UBR3: variants seen among roughly 807,000 people sequenced by gnomAD.
UBR3 encodes ubiquitin protein ligase E3 component n-recognin 3, also known as E3 ubiquitin-protein ligase UBR3.
A neutral mutation model predicts 243.2 loss-of-function variants in UBR3; 85 were observed. The ratio of observed to expected loss-of-function variants is 0.35; its 90% confidence interval spans 0.29 to 0.42. The LOEUF (loss-of-function observed/expected upper bound fraction) is 0.42, where lower values mean the gene tolerates loss of function less well. Among genes scored for constraint, UBR3 ranks in the 10% least tolerant of loss-of-function variants. UBR3 has a pLI of 1.00. For missense variants in UBR3, 1,686 were observed against 2,300.8 expected, an observed-to-expected ratio of 0.73 and a Z score of 5.47; for synonymous variants, 748 against 799.8, an observed-to-expected ratio of 0.94 and a Z score of 1.09.
intron 4 of UBR3, 59 bp downstream of exon 4, chr2:169,877,696 C>A: frequency 6.9e-7 from 1 of 1,458,096 alleles, no homozygotes; most frequent in South Asian, 1.4e-5. Flanking sequence ...ACCAAAAAAA[C>A]CTCTCAAACT....
chr2:169,900,661 A>G (rs925171759), intron 8 of UBR3, among the ~76,000 whole-genome samples: 29 of 152,120 alleles, frequency 1.9e-4, no homozygotes, highest in African/African-American at 7.0e-4. Context: ...TCACTAGGTG[A>G]TTTAGCTGTG....
chr2:170,070,880 AG>A (rs1461658386), intron 35 of UBR3, among the ~76,000 whole-genome samples: 2 of 152,180 alleles, frequency 1.3e-5, no homozygotes, highest in African/African-American at 2.4e-5. Flanking sequence ...GTGTGAAAGA[AG>A]ACTTGTATCC....
chr2:169,923,703 G>C (rs765235250), intron 11 of UBR3, among the ~76,000 whole-genome samples: 5 of 152,266 alleles, frequency 3.3e-5, no homozygotes, highest in Non-Finnish European at 7.4e-5. Context: ...AGGATTCAAA[G>C]TTGAGTAGAA....
At chr2:169,936,984 A>G (rs2086363208) in intron 19 of UBR3, among the ~76,000 whole-genome samples, 1 of 152,190 alleles carries the variant, frequency 6.6e-6, no homozygotes, top group Non-Finnish European at 1.5e-5. Flanking sequence ...ATAAACATAC[A>G]TGTGCATGTG....
At chr2:169,833,116 T>C (rs1287106716) in intron 1 of UBR3, among the ~76,000 whole-genome samples, 4 of 152,176 alleles carry the variant, frequency 2.6e-5, no homozygotes, top group Non-Finnish European at 4.4e-5. Context: ...CTGCCCTTCA[T>C]GTATGTGAGT....
intron 1 of UBR3, among the ~76,000 whole-genome samples, chr2:169,839,912 C>T (rs192321953): frequency 6.6e-6 from 1 of 152,308 alleles, no homozygotes; most frequent in Non-Finnish European, 1.5e-5. Context: ...AGGTGGCTTG[C>T]TGGTCAAGAC....
chr2:169,856,158 T>G, intron 1 of UBR3, among the ~76,000 whole-genome samples: 2 of 137,980 alleles, frequency 1.4e-5, no homozygotes, highest in African/African-American at 5.6e-5. Flanking sequence ...CCAGACGGGG[T>G]GGCGGCGGGG....
intron 30 of UBR3, 66 bp from the exon 31 acceptor site, chr2:170,029,280 T>G (rs1405129558): frequency 2.3e-6 from 3 of 1,290,990 alleles, no homozygotes; most frequent in Non-Finnish European, 3.2e-6. Context: ...ACTAGAAATT[T>G]TGTCTGAATT....
intron 5 of UBR3, among the ~76,000 whole-genome samples, chr2:169,888,556 G>T (rs1450339718): frequency 1.3e-5 from 2 of 151,984 alleles, no homozygotes; most frequent in Admixed American, 1.3e-4. Flanking sequence ...TGACAGTTTT[G>T]AACATCTATA....
chr2:169,882,754 A>T (rs1221992695), intron 5 of UBR3, among the ~76,000 whole-genome samples: 1 of 152,032 alleles, frequency 6.6e-6, no homozygotes. Context: ...AAGAAAAAAA[A>T]AAAGAAAAGT....
intron 23 of UBR3, among the ~76,000 whole-genome samples, chr2:169,952,482 G>T (rs1444959684): frequency 6.6e-6 from 1 of 152,124 alleles, no homozygotes; most frequent in Non-Finnish European, 1.5e-5. Flanking sequence ...GGATCACAAG[G>T]TCAGGAGATC....
intron 23 of UBR3, among the ~76,000 whole-genome samples, chr2:169,951,059 C>T (rs928954454): frequency 6.6e-6 from 1 of 152,042 alleles, no homozygotes; most frequent in Non-Finnish European, 1.5e-5. Context: ...AATTTGTCTA[C>T]CAAAGCAACA....
intron 31 of UBR3, among the ~76,000 whole-genome samples, chr2:170,039,499 A>C (rs2105430615): frequency 6.6e-6 from 1 of 152,294 alleles, no homozygotes; most frequent in East Asian, 1.9e-4. Context: ...AAGTATACTA[A>C]GGAATATTTG....
chr2:170,043,341 G>A (rs2091012915), intron 32 of UBR3, among the ~76,000 whole-genome samples: 3 of 152,166 alleles, frequency 2.0e-5, no homozygotes, highest in South Asian at 4.1e-4. Flanking sequence ...AGAAGTTACT[G>A]TTGGCACTGG....
intron 30 of UBR3, among the ~76,000 whole-genome samples, chr2:170,022,514 G>C (rs1263703516): frequency 6.6e-6 from 1 of 152,140 alleles, no homozygotes; most frequent in African/African-American, 2.4e-5. Flanking sequence ...CACCGGGTTG[G>C]AGTTTGAAGG....
intron 1 of UBR3, among the ~76,000 whole-genome samples, chr2:169,829,122 A>G (rs901875605): frequency 1.3e-5 from 2 of 152,202 alleles, no homozygotes; most frequent in Admixed American, 6.5e-5. Context: ...ACAGAGTACA[A>G]TCTTTTTATA....
intron 32 of UBR3, among the ~76,000 whole-genome samples, chr2:170,052,023 C>T (rs1322476221): frequency 6.6e-6 from 1 of 152,108 alleles, no homozygotes; most frequent in Admixed American, 6.6e-5. Flanking sequence ...CTACAACTCC[C>T]CAGTGAGTTC....
chr2:170,011,584 A>G (rs1282578438), intron 29 of UBR3, among the ~76,000 whole-genome samples: 1 of 149,510 alleles, frequency 6.7e-6, no homozygotes, highest in East Asian at 1.9e-4. Context: ...TGAATTTTGG[A>G]TATTTAGAAA....
At chr2:169,947,470 G>A (rs948374167) in intron 21 of UBR3, 72 bp from the exon 22 acceptor site, 17 of 1,201,440 alleles carry the variant, frequency 1.4e-5, no homozygotes, top group Non-Finnish European at 1.7e-5. Context: ...ATTTTGGGGG[G>A]CTTGTTACAT....
Sources: gnomAD v4.1 joint callset for allele counts (sites outside exome capture counted in the v4.1 genomes callset) on GRCh38, gnomAD v4.1.1 for gene constraint, MANE v1.5 for transcripts, NCBI Gene and HGNC (gene_info 2026-07-23, HGNC 2026-07-21) for gene names.